SSBP3: variants seen among roughly 807,000 people sequenced by gnomAD.
The protein encoded by SSBP3 is single stranded DNA binding protein 3, also known as single-stranded DNA-binding protein 3.
Under a neutral mutation model 69.6 loss-of-function variants are expected in SSBP3, and 5 were observed. That is an observed-to-expected ratio of 0.07 (90% CI 0.04 to 0.15). SSBP3 has a LOEUF of 0.15. Among genes scored for constraint, SSBP3 ranks in the 10% least tolerant of loss-of-function variants. The pLI is 1.00. For synonymous variants in SSBP3, 196 were observed against 193.4 expected (o/e 1.01, Z -0.11); for missense variants, 312 against 534.0 (o/e 0.58, Z 4.10).
intron 4 of SSBP3, among the ~76,000 whole-genome samples, chr1:54,305,543 G>A (rs1645883045): frequency 6.6e-6 from 1 of 151,588 alleles, no homozygotes; most frequent in Admixed American, 6.6e-5. Flanking sequence ...GGCTTCCTTT[G>A]CCAGACTGGG....
intron 4 of SSBP3, among the ~76,000 whole-genome samples, chr1:54,387,278 G>A (rs569132149): frequency 3.3e-5 from 5 of 152,282 alleles, no homozygotes; most frequent in African/African-American, 1.2e-4. Context: ...CCCTTAAAAA[G>A]AACTCAATGA....
At chr1:54,226,667 CT>C (rs543365018) in exon 18 of SSBP3, 2,495 of 131,106 alleles carry the variant, frequency 0.019, 45 homozygotes, top group East Asian at 0.076. Flanking sequence ...TTCCTTTTTC[CT>C]TTTTTTTTTT....
chr1:54,234,026 C>T (rs1267512064), intron 14 of SSBP3, among the ~76,000 whole-genome samples: 1 of 151,860 alleles, frequency 6.6e-6, no homozygotes, highest in African/African-American at 2.4e-5. Flanking sequence ...GCCTTGGGAT[C>T]CTGTTGATCT....
chr1:54,379,648 T>C (rs1647462346), intron 4 of SSBP3, among the ~76,000 whole-genome samples: 1 of 152,230 alleles, frequency 6.6e-6, no homozygotes, highest in Non-Finnish European at 1.5e-5. Context: ...GCCAGGAGGC[T>C]GGCTGGCTGT....
intron 4 of SSBP3, among the ~76,000 whole-genome samples, chr1:54,317,895 A>G (rs1025627157): frequency 4.6e-5 from 7 of 152,234 alleles, no homozygotes; most frequent in Middle Eastern, 3.4e-3. Flanking sequence ...CCTCCTGAGT[A>G]GCTGGGATTA....
chr1:54,240,116 GCGCGCAACA>G (rs1557449202), intron 13 of SSBP3, among the ~76,000 whole-genome samples: 92 of 11,206 alleles, frequency 8.2e-3, no homozygotes, highest in African/African-American at 0.01. Context: ...GTGCGCGCGC[GCGCGCAACA>G]CATGCCCACG....
chr1:54,374,850 T>A (rs1054086131), intron 4 of SSBP3, among the ~76,000 whole-genome samples: 2 of 152,152 alleles, frequency 1.3e-5, no homozygotes, highest in African/African-American at 4.8e-5. Context: ...TTAAAAACAT[T>A]CTTTAGTTTT....
chr1:54,225,802 C>G (rs2100530052), exon 18 of SSBP3: 1 of 153,952 alleles, frequency 6.5e-6, no homozygotes, highest in East Asian at 1.9e-4. Flanking sequence ...CGGGAGGGGA[C>G]AGGCTCCACT....
rs6700171 is a variant in SSBP3 at position 54,232,728 on chromosome 1, G to A, written c.928-3902C>T. 3.2e-4 allele frequency among the ~76,000 whole-genome samples: 47 copies of A among 147,782 alleles called. No individual in the cohort carries two copies. In the South Asian group the frequency reaches 5.5e-3, roughly 17 times the overall value. On this transcript the variant is annotated intron_variant, in intron 14 of 17. Coordinates refer to ENST00000610401, the Ensembl canonical transcript of SSBP3. ...CTGCCTCAGCCTGCCGAGTGCCTGCGATTGCAGGCACGCGCCGCCACGCCT... is the reference window on the plus strand; with the variant it reads ...CTGCCTCAGCCTGCCGAGTGCCTGCAATTGCAGGCACGCGCCGCCACGCCT...
chr1:54,329,041 C>T (rs1284628380), intron 4 of SSBP3, among the ~76,000 whole-genome samples: 3 of 152,080 alleles, frequency 2.0e-5, no homozygotes, highest in Non-Finnish European at 4.4e-5. Flanking sequence ...TTGCAAAGTT[C>T]CAAATAATAT....
intron 5 of SSBP3, among the ~76,000 whole-genome samples, chr1:54,271,418 G>T (rs970989881): frequency 1.2e-4 from 19 of 152,142 alleles, no homozygotes; most frequent in Non-Finnish European, 1.5e-4. Context: ...CTGAATATAG[G>T]TTTATATGTA....
chr1:54,377,839 G>C (rs971982671), intron 4 of SSBP3, among the ~76,000 whole-genome samples: 2 of 152,070 alleles, frequency 1.3e-5, no homozygotes, highest in African/African-American at 2.4e-5. Context: ...TGAAGACCTA[G>C]AATAAAATAT....
chr1:54,355,790 T>C (rs1646853610), intron 4 of SSBP3, among the ~76,000 whole-genome samples: 1 of 152,220 alleles, frequency 6.6e-6, no homozygotes, highest in African/African-American at 2.4e-5. Flanking sequence ...GGCTATTGTA[T>C]GCAGGAGGGC....
Position 54,248,330 on chromosome 1 carries a change from C to T in SSBP3, c.651+3286G>A, listed in dbSNP as rs543394946. On this transcript the variant is annotated intron_variant, in intron 9 of 17. Transcript: ENST00000610401. ...CTCCCTCCCACAAGCTCAGGGCCTG[C>T]GGGAAGGGGAAGGGATCCACAGGAC... 1.8e-4 allele frequency among the ~76,000 whole-genome samples: 28 copies of T among 152,270 alleles called. No individual in the cohort carries two copies. The South Asian group carries it at 5.8e-3, about 32-fold the overall frequency.
intron 1 of SSBP3, 29 bp downstream of exon 1, chr1:54,405,924 G>A (rs1220333321): frequency 1.6e-6 from 2 of 1,212,544 alleles, no homozygotes; most frequent in South Asian, 1.7e-5. Flanking sequence ...CGGCGGCGGC[G>A]CGGCCGCCAC....
At chr1:54,332,939 C>T (rs1646444242) in intron 4 of SSBP3, among the ~76,000 whole-genome samples, 1 of 152,168 alleles carries the variant, frequency 6.6e-6, no homozygotes, top group Admixed American at 6.5e-5. Flanking sequence ...CGCGAGCACA[C>T]ACACACGCGT....
At chr1:54,241,690 T>C (rs1344654312) in intron 11 of SSBP3, among the ~76,000 whole-genome samples, 181 bp from the exon 12 acceptor site, 2 of 152,180 alleles carry the variant, frequency 1.3e-5, no homozygotes, top group Non-Finnish European at 2.9e-5. Flanking sequence ...CTCTGCTACA[T>C]TGAACTGACC....
At chr1:54,321,746 G>A (rs903055626) in intron 4 of SSBP3, among the ~76,000 whole-genome samples, 4 of 152,220 alleles carry the variant, frequency 2.6e-5, no homozygotes, top group African/African-American at 9.6e-5. Flanking sequence ...ACATACTGGA[G>A]TGTCTTCCAT....
chr1:54,253,207 T>TA (rs1557463788), intron 7 of SSBP3, among the ~76,000 whole-genome samples: 1 of 149,906 alleles, frequency 6.7e-6, no homozygotes, highest in African/African-American at 2.5e-5. Context: ...TTTTTTTTTT[T>TA]AAGACAGGGT....
Sources: allele counts gnomAD v4.1 joint callset (sites outside exome capture counted in the v4.1 genomes callset), GRCh38; gene constraint gnomAD v4.1.1; transcripts MANE v1.5; gene names NCBI Gene and HGNC (gene_info 2026-07-23, HGNC 2026-07-21).